The following MCF2L variants were observed in gnomAD, a reference collection of about 807,000 sequenced individuals.
MCF2L encodes the protein guanine nucleotide exchange factor DBS.
A neutral mutation model predicts 153.4 loss-of-function variants in MCF2L; 97 were observed. The observed-to-expected ratio is 0.63, with a 90% CI of 0.54 to 0.75. MCF2L has a LOEUF of 0.75. Among genes scored for constraint, MCF2L ranks in the 30% least tolerant of loss-of-function variants. The pLI, the probability that MCF2L is intolerant of heterozygous loss-of-function variation, is 0.00. For synonymous variants in MCF2L, 659 were observed against 632.2 expected (o/e 1.04, Z -0.64); for missense variants, 1,347 against 1,495.2 (o/e 0.90, Z 1.64).
rs189909958 is a variant in MCF2L at position 112,969,636 on chromosome 13, G to A, written c.79+178G>A. ...GTGTTTTCAGAGGCTGTCGGCGATC[G>A]TATGCTGCCCGGGATAGTCAAAATG... On this transcript the variant is annotated intron_variant, in intron 1 of 29. Coordinates refer to ENST00000535094, the MANE Select transcript of MCF2L (RefSeq NM_001112732.3). This position sits in a 1 kb window ranked among gnomAD's most constrained non-coding sequence, Gnocchi z 4.8. The A allele has an allele frequency of 2.6e-3, 1,690 of 648,910 alleles. 3 individuals carry two copies. Among genetic ancestry groups the A allele is most frequent in the Admixed American group, 4.4e-3 (70 of 15,888 alleles). The allele number at this position is 648,910 out of a possible 1,614,324, so 40.2% of individuals were successfully genotyped here. A position where few individuals can be genotyped will look rare whatever the true frequency, so the allele number is the denominator to read the frequency against.
chr13:112,919,609 T>G (rs927233963), intron 2 of MCF2L, among the ~76,000 whole-genome samples: 2 of 152,076 alleles, frequency 1.3e-5, no homozygotes, highest in East Asian at 3.9e-4. Flanking sequence ...CTTGAGAAAA[T>G]AGAAAGCACA....
Position 113,086,150 on chromosome 13 carries a change from C to T in MCF2L, c.2274C>T (p.Cys758=), listed in dbSNP as rs745945724. 2.5e-6 allele frequency: 4 copies of T among 1,609,198 alleles called. No individual in the cohort carries two copies. In the Admixed American group the frequency reaches 5.0e-5, roughly 20 times the overall value. ...AAATGCTGAAATACAGCAGGAACTG[C>T]GAGGGGGCTGAGGACCTGCAGGAGG... ...LKEMLKYSRN[C]EGAEDLQEAL... The change falls in exon 21 of 30, where the codon TGC becomes TGT. Residue 758 remains cysteine, a synonymous_variant. Coordinates refer to ENST00000535094, the MANE Select transcript of MCF2L (RefSeq NM_001112732.3).
Position 113,096,834 on chromosome 13 carries a change from C to G in MCF2L, c.3353C>G (p.Ala1118Gly). 1.3e-6 allele frequency: 2 copies of G among 1,515,918 alleles called. No individual in the cohort carries two copies. Among genetic ancestry groups the G allele is most frequent in the Non-Finnish European group, 1.8e-6 (2 of 1,142,482 alleles). The allele number at this position is 1,515,918 out of a possible 1,614,324, so 93.9% of individuals were successfully genotyped here. The change falls in exon 30 of 30, where the codon GCC (alanine) becomes GGC (glycine). Residue 1118 changes from alanine (A) to glycine (G), a missense_variant. Around this residue, in one of 3 missense-constraint regions of MCF2L, gnomAD observed 383 missense variants for 335.4 expected, o/e 1.14. Transcript: ENST00000535094. ...TCCAGCTGCAGCGAGGGCGGCCAGG[C>G]CCCCTTCTCCGACCTGCAGGGGTAG... Reference protein sequence around the residue: ...NSSSCSEGGQAPFSDLQG With the variant: ...NSSSCSEGGQGPFSDLQG
At chr13:112,921,247 A>C (rs1234454056) in intron 2 of MCF2L, among the ~76,000 whole-genome samples, 1 of 152,196 alleles carries the variant, frequency 6.6e-6, no homozygotes, top group Non-Finnish European at 1.5e-5. Flanking sequence ...GAAGAAGTTA[A>C]AATAGAAGGA....
chr13:113,097,026 A>G lies in MCF2L; in HGVS notation c.*167A>G. On this transcript the variant is annotated 3_prime_UTR_variant, in exon 30 of 30. Transcript: ENST00000535094. ...CCGGGGCAGAGGCAGGTTCCACGGA[A>G]GACCCCGGCCCGCTGGGGCTTCCCC... 1 of 429,348 alleles carries G rather than the reference A, an allele frequency of 2.3e-6. No homozygotes were observed. The highest frequency in any genetic ancestry group is 3.9e-6 in the Non-Finnish European group (1 of 256,404). The allele number at this position is 429,348 out of a possible 1,614,324, so 26.6% of individuals were successfully genotyped here. A position where few individuals can be genotyped will look rare whatever the true frequency, so the allele number is the denominator to read the frequency against.
At chr13:112,953,513 G>A (rs532095682) in intron 2 of MCF2L, among the ~76,000 whole-genome samples, 73 of 152,364 alleles carry the variant, frequency 4.8e-4, no homozygotes, top group Admixed American at 7.2e-4. Context: ...GGAGCTCGAA[G>A]ACCACAGTGC....
At chr13:113,011,131 G>A (rs1052131627) in intron 1 of MCF2L, among the ~76,000 whole-genome samples, 12 of 152,204 alleles carry the variant, frequency 7.9e-5, no homozygotes, top group African/African-American at 2.9e-4. Context: ...CCTCCATGAA[G>A]AACGGAAGAA....
chr13:113,034,620 CCT>C (rs2086024146), intron 3 of MCF2L, among the ~76,000 whole-genome samples: 1 of 151,828 alleles, frequency 6.6e-6, no homozygotes, highest in African/African-American at 2.4e-5. Context: ...CTGGTCTCAC[CCT>C]CGCCCTGGTC....
intron 2 of MCF2L, among the ~76,000 whole-genome samples, chr13:113,022,558 C>T (rs545586743): frequency 3.3e-5 from 5 of 152,256 alleles, no homozygotes; most frequent in Admixed American, 1.3e-4. Context: ...CCCCAGGCCC[C>T]GTTTCAGGGA....
At position 112,914,575 on chromosome 13, in the gene MCF2L, G is replaced by A. The variant is rs552870626; in HGVS notation, c.169+12204G>A. 9.2e-5 allele frequency among the ~76,000 whole-genome samples: 14 copies of A among 152,324 alleles called. No homozygotes were observed. The South Asian group carries it at 1.7e-3, about 18-fold the overall frequency. Reference sequence around the variant, plus strand: ...CTCACACACTCGCTCTGTGAGCCACGTGATCATGGGAGCGGCTCCCTGCAG... The same window carrying A: ...CTCACACACTCGCTCTGTGAGCCACATGATCATGGGAGCGGCTCCCTGCAG... On this transcript the variant is annotated intron_variant, in intron 2 of 29. Coordinates refer to the MCF2L transcript ENST00000375608.
rs555558741 is a variant in MCF2L at position 113,078,781 on chromosome 13, C to T, written c.1808+42C>T. 25 of 1,538,884 alleles carry T rather than the reference C, an allele frequency of 1.6e-5. No homozygotes were observed. In the South Asian group the frequency reaches 1.8e-4, roughly 11 times the overall value. ...TCTGTCCTCACAGGGGCCCTCCGACCGCAGCCTGAACCACCAGATGCCGTC... is the reference window on the plus strand; with the variant it reads ...TCTGTCCTCACAGGGGCCCTCCGACTGCAGCCTGAACCACCAGATGCCGTC... On this transcript the variant is annotated intron_variant, in intron 15 of 29. Coordinates refer to ENST00000535094, the MANE Select transcript of MCF2L (RefSeq NM_001112732.3).
rs1350714076 is a variant in MCF2L at position 113,064,757 on chromosome 13, A to G, written c.607-179A>G. 4 of 636,614 alleles carry G rather than the reference A, an allele frequency of 6.3e-6. No homozygotes were observed. The highest frequency in any genetic ancestry group is 1.1e-5 in the Non-Finnish European group (4 of 372,500). The allele number at this position is 636,614 out of a possible 1,614,324, so 39.4% of individuals were successfully genotyped here. ...GGCACACGTGTAGAGTGTGCCTGGT[A>G]TGTTTCTGAAGAGGTCAAGGAGGGC... On this transcript the variant is annotated intron_variant, in intron 6 of 29. Coordinates refer to ENST00000535094, the MANE Select transcript of MCF2L (RefSeq NM_001112732.3). This position sits in a 1 kb window ranked among gnomAD's most constrained non-coding sequence, Gnocchi z 6.0.
At chr13:112,973,371 G>A (rs2082116126) in intron 1 of MCF2L, among the ~76,000 whole-genome samples, 1 of 152,222 alleles carries the variant, frequency 6.6e-6, no homozygotes, top group Non-Finnish European at 1.5e-5. Context: ...TTAGATAGGT[G>A]TGACTATAAA....
At chr13:113,041,280 C>T (rs74115760) in intron 3 of MCF2L, among the ~76,000 whole-genome samples, 7,315 of 152,278 alleles carry the variant, frequency 0.048, 500 homozygotes, top group African/African-American at 0.15. Context: ...ACACAGGCCA[C>T]AGATGTGGGC....
Position 113,082,413 on chromosome 13 carries a change from C to T in MCF2L, c.1876-14C>T, listed in dbSNP as rs781291973. ...GGCCCAGGACCCCCGCCGACCTCTG[C>T]GCTCTCCCTGCAGGGCTACGCCGCG... On this transcript the variant is annotated splice_polypyrimidine_tract_variant and intron_variant, in intron 16 of 29. Transcript: ENST00000535094. 37 of 1,580,070 alleles carry T rather than the reference C, an allele frequency of 2.3e-5. No homozygotes were observed. In the East Asian group the frequency reaches 5.2e-4, roughly 22 times the overall value.
At chr13:112,897,805 AG>A (rs1169734418) in intron 1 of MCF2L, among the ~76,000 whole-genome samples, 1 of 152,234 alleles carries the variant, frequency 6.6e-6, no homozygotes, top group Non-Finnish European at 1.5e-5. Flanking sequence ...AGAGTGAGGC[AG>A]AGACATGGCA....
chr13:113,033,225 C>T (rs77135716), intron 3 of MCF2L, among the ~76,000 whole-genome samples: 2 of 127,308 alleles, frequency 1.6e-5, no homozygotes, highest in Non-Finnish European at 3.3e-5. Context: ...ACATGAGTGG[C>T]CCCCGTGACG....
rs2081203770 is a variant in MCF2L, at chr13:112,909,163, A to G, written c.169+6792A>G. 6.5e-6 allele frequency: 5 copies of G among 773,686 alleles called. No individual in the cohort carries two copies. The South Asian group carries it at 6.8e-5, about 10-fold the overall frequency. The allele number at this position is 773,686 out of a possible 1,614,324, so 47.9% of individuals were successfully genotyped here. On this transcript the variant is annotated intron_variant, in intron 2 of 29. Transcript: ENST00000375608. Reference sequence around the variant, plus strand: ...CCTCATCCGCTTCTGGGTTAAGTCCAGGACTGGCAAAAACACTGCCTGTTC... The same window carrying G: ...CCTCATCCGCTTCTGGGTTAAGTCCGGGACTGGCAAAAACACTGCCTGTTC...
At chr13:113,024,577 C>G in intron 2 of MCF2L, 67 bp from the exon 3 acceptor site, 4 of 973,306 alleles carry the variant, frequency 4.1e-6, no homozygotes, top group African/African-American at 3.2e-5. Context: ...GAAAACGGGC[C>G]GACATCTGTG....
Sources: allele counts gnomAD v4.1 joint callset (sites outside exome capture counted in the v4.1 genomes callset), GRCh38; gene constraint gnomAD v4.1.1; regional missense constraint gnomAD v4.1.1; non-coding constraint Gnocchi (gnomAD v3.1); transcripts MANE v1.5; gene names NCBI Gene and HGNC (gene_info 2026-07-23, HGNC 2026-07-21).